Variants in OR51B5 observed in about 807,000 individuals in gnomAD.
OR51B5 encodes olfactory receptor 51B5.
For missense variants in OR51B5, 456 were observed against 374.6 expected, an observed-to-expected ratio of 1.22 and a Z score of -1.79; for synonymous variants, 186 against 144.8, an observed-to-expected ratio of 1.28 and a Z score of -2.04.
At chr11:5,396,187 C>G (rs1367203841) in intron 1 of OR51B5, among the ~76,000 whole-genome samples, 1 of 152,192 alleles carries the variant, frequency 6.6e-6, no homozygotes, top group Non-Finnish European at 1.5e-5. Flanking sequence ...TCTCACCACT[C>G]CTATTCAACA....
At chr11:5,382,568 C>T (rs891456247) in intron 1 of OR51B5, among the ~76,000 whole-genome samples, 1 of 152,190 alleles carries the variant, frequency 6.6e-6, no homozygotes, top group African/African-American at 2.4e-5. Flanking sequence ...GTGAAATAGG[C>T]TAAAATCATG....
intron 1 of OR51B5, among the ~76,000 whole-genome samples, chr11:5,474,181 A>G (rs955829192): frequency 1.3e-5 from 2 of 152,182 alleles, no homozygotes; most frequent in Admixed American, 6.5e-5. Context: ...CAAAGCACCT[A>G]TGAGTATTTT....
intron 1 of OR51B5, chr11:5,422,969 A>C (rs566264987): frequency 6.2e-7 from 1 of 1,613,926 alleles, no homozygotes; most frequent in South Asian, 1.1e-5. Context: ...CTACATTCCC[A>C]TGGTTGGTGT....
In OR51B5 at chr11:5,447,425, T is replaced by TA. The variant is rs1850782658; in HGVS notation, n.84+58143_84+58144insT. On this transcript the variant is annotated intron_variant and non_coding_transcript_variant, in intron 1 of 4. Coordinates refer to the OR51B5 transcript ENST00000415970. Reference sequence around the variant, plus strand: ...GTTCTAGTAACCCCACCTTTGGCTTTCCAGTCTATAGGTGGTAGTAGCTTC... The same window carrying TA: ...GTTCTAGTAACCCCACCTTTGGCTTTACCAGTCTATAGGTGGTAGTAGCTTC... Among the ~76,000 whole-genome samples, 3 of 152,326 alleles carry TA rather than the reference T, an allele frequency of 2.0e-5. No homozygotes were observed. The South Asian group carries it at 6.2e-4, about 32-fold the overall frequency.
intron 1 of OR51B5, among the ~76,000 whole-genome samples, chr11:5,459,383 T>C (rs759223290): frequency 1.2e-4 from 18 of 152,162 alleles, no homozygotes; most frequent in Non-Finnish European, 1.9e-4. Flanking sequence ...ATTTTTTTCA[T>C]CTATTTTTAT....
At chr11:5,413,873 A>T (rs1271643605) in intron 1 of OR51B5, among the ~76,000 whole-genome samples, 2 of 151,414 alleles carry the variant, frequency 1.3e-5, no homozygotes, top group Non-Finnish European at 2.9e-5. Context: ...GATATTATCC[A>T]GGAGAACTTC....
At chr11:5,448,178 A>C (rs148640849) in intron 1 of OR51B5, among the ~76,000 whole-genome samples, 1 of 152,134 alleles carries the variant, frequency 6.6e-6, no homozygotes, top group South Asian at 2.1e-4. Context: ...CAATTCATTA[A>C]TTTTTCTCAA....
chr11:5,374,457 C>A (rs189133449), intron 1 of OR51B5, among the ~76,000 whole-genome samples: 1 of 152,116 alleles, frequency 6.6e-6, no homozygotes, highest in Non-Finnish European at 1.5e-5. Flanking sequence ...AGTTCCTCAC[C>A]AGCAACGGAA....
At chr11:5,348,251 G>A (rs912561633), upstream of OR51B5, among the ~76,000 whole-genome samples, 7 of 152,190 alleles carry the variant, frequency 4.6e-5, no homozygotes, top group South Asian at 2.1e-4. Context: ...ACAATTCTAC[G>A]AACAAACCAG....
intron 1 of OR51B5, among the ~76,000 whole-genome samples, chr11:5,376,348 C>A (rs886193092): frequency 1.3e-5 from 2 of 152,062 alleles, no homozygotes; most frequent in African/African-American, 4.8e-5. Context: ...TAAACGCCCA[C>A]AAGAGAAAGC....
At chr11:5,434,243 A>G (rs1432373144) in intron 1 of OR51B5, among the ~76,000 whole-genome samples, 1 of 152,166 alleles carries the variant, frequency 6.6e-6, no homozygotes, top group Non-Finnish European at 1.5e-5. Context: ...GCCCCTTTAC[A>G]GTGACAGCAT....
chr11:5,387,736 T>C (rs77320465), intron 1 of OR51B5, among the ~76,000 whole-genome samples: 118,634 of 151,914 alleles, frequency 0.78, 46,728 homozygotes, highest in Middle Eastern at 0.84. Context: ...CCTTGAATGT[T>C]TTTCCCTAAG....
At chr11:5,454,107 T>G (rs772771038) in intron 1 of OR51B5, 1 of 1,614,198 alleles carries the variant, frequency 6.2e-7, no homozygotes, top group Non-Finnish European at 8.5e-7. Context: ...TGTATCCACC[T>G]TTGGCATGGA....
At chr11:5,352,756 TTACACACATACA>T (rs1849119354) in intron 1 of OR51B5, among the ~76,000 whole-genome samples, 2 of 150,290 alleles carry the variant, frequency 1.3e-5, no homozygotes, top group Admixed American at 6.7e-5. Context: ...ACATACATAC[TTACACACATACA>T]TATACACACA....
At chr11:5,484,828 C>T (rs746780236) in intron 1 of OR51B5, among the ~76,000 whole-genome samples, 1 of 152,164 alleles carries the variant, frequency 6.6e-6, no homozygotes, top group Non-Finnish European at 1.5e-5. Flanking sequence ...AATAAACAAA[C>T]ATTACATATG....
intron 1 of OR51B5, among the ~76,000 whole-genome samples, chr11:5,438,291 G>A (rs1332781084): frequency 1.3e-5 from 2 of 152,014 alleles, no homozygotes; most frequent in East Asian, 1.9e-4. Flanking sequence ...CTGAGAAAAT[G>A]AAATTTCAAC....
rs116044236 is a variant in OR51B5, at chr11:5,488,502, A to G, written n.84+17067T>C. The stretch of plus-strand genomic sequence containing the variant: ...ATAGAACTCAAAACATCATTGTTCA[A>G]TATAGAAATTAGCAGAAGGTTTTAA... On this transcript the variant is annotated intron_variant and non_coding_transcript_variant, in intron 1 of 4. Transcript: ENST00000415970. 7.9e-3 allele frequency among the ~76,000 whole-genome samples: 1,211 copies of G among 152,330 alleles called. 15 individuals carry two copies. Among genetic ancestry groups the G allele is most frequent in the African/African-American group, 0.026 (1,083 of 41,576 alleles).
intron 1 of OR51B5, among the ~76,000 whole-genome samples, chr11:5,395,917 A>T (rs551409717): frequency 6.6e-6 from 1 of 152,328 alleles, no homozygotes; most frequent in Admixed American, 6.5e-5. Context: ...AACTAATAAA[A>T]TGTGTCTATT....
intron 1 of OR51B5, among the ~76,000 whole-genome samples, chr11:5,359,008 C>T (rs1849237474): frequency 6.6e-6 from 1 of 151,716 alleles, no homozygotes; most frequent in South Asian, 2.1e-4. Context: ...ATAATAAGAG[C>T]CATCTATGAC....
Sources: gnomAD v4.1 joint callset for allele counts (sites outside exome capture counted in the v4.1 genomes callset) on GRCh38, gnomAD v4.1.1 for gene constraint, MANE v1.5 for transcripts, NCBI Gene and HGNC (gene_info 2026-07-23, HGNC 2026-07-21) for gene names.